SLC25A21: variants seen among roughly 807,000 people sequenced by gnomAD.
SLC25A21 encodes the protein mitochondrial 2-oxodicarboxylate carrier.
Under a neutral mutation model 43.8 loss-of-function variants are expected in SLC25A21, and 47 were observed. The observed-to-expected ratio is 1.07, with a 90% CI of 0.85 to 1.37. The LOEUF is 1.37. Ranked by LOEUF, SLC25A21 falls within the 40% of genes most tolerant of loss-of-function variation. The pLI, the probability that SLC25A21 is intolerant of heterozygous loss-of-function variation, is 0.00. For missense variants in SLC25A21, 352 were observed against 350.2 expected (o/e 1.00, Z -0.04); for synonymous variants, 131 against 121.3 (o/e 1.08, Z -0.52).
intron 1 of SLC25A21, among the ~76,000 whole-genome samples, chr14:37,018,167 T>C (rs1960904308): frequency 6.6e-6 from 1 of 152,164 alleles, no homozygotes; most frequent in Middle Eastern, 3.4e-3. Flanking sequence ...ATAATGCTTA[T>C]AGTATAATCT....
intron 3 of SLC25A21, among the ~76,000 whole-genome samples, chr14:36,776,356 C>T (rs1886832455): frequency 6.6e-6 from 1 of 150,592 alleles, no homozygotes. Flanking sequence ...CCTGCCTCAG[C>T]CTCCCGAGTA....
intron 1 of SLC25A21, among the ~76,000 whole-genome samples, chr14:36,965,281 A>G (rs1959586991): frequency 6.6e-6 from 1 of 152,162 alleles, no homozygotes; most frequent in African/African-American, 2.4e-5. Context: ...AAAATAATAA[A>G]TATGCAATTC....
At chr14:36,728,310 A>C (rs1245048610) in intron 5 of SLC25A21, among the ~76,000 whole-genome samples, 1 of 152,212 alleles carries the variant, frequency 6.6e-6, no homozygotes, top group South Asian at 2.1e-4. Flanking sequence ...CAAGAGTCCA[A>C]AGACCTACAG....
Position 36,680,728 on chromosome 14 carries a change from G to T in SLC25A21, c.839-9C>A. ...CAGCATCACTGCACCACCTAGAAAA[G>T]AAAAGAGCTGTTTTTTATTGCAAAT... On this transcript the variant is annotated splice_polypyrimidine_tract_variant and intron_variant, in intron 9 of 9. Coordinates refer to ENST00000331299, the MANE Select transcript of SLC25A21 (RefSeq NM_030631.4). The T allele has an allele frequency of 6.2e-7, 1 of 1,609,216 alleles. No individual in the cohort carries two copies. The highest frequency in any genetic ancestry group is 8.5e-7 in the Non-Finnish European group (1 of 1,178,504).
chr14:36,740,404 G>T (rs1885205799), intron 3 of SLC25A21, among the ~76,000 whole-genome samples: 3 of 152,108 alleles, frequency 2.0e-5, no homozygotes, highest in Admixed American at 2.0e-4. Flanking sequence ...AGATTGTGAT[G>T]GTTTATAGAC....
At chr14:36,874,641 T>G (rs1362744363) in intron 2 of SLC25A21, among the ~76,000 whole-genome samples, 1 of 152,242 alleles carries the variant, frequency 6.6e-6, no homozygotes, top group Non-Finnish European at 1.5e-5. Context: ...TGTGCTGTCA[T>G]AATCCACTGG....
intron 3 of SLC25A21, among the ~76,000 whole-genome samples, chr14:36,759,476 TC>T (rs1275556537): frequency 6.6e-6 from 1 of 152,192 alleles, no homozygotes; most frequent in Non-Finnish European, 1.5e-5. Context: ...TTACAAACTA[TC>T]CAGCAGACAA....
chr14:36,743,969 G>T lies in SLC25A21; in HGVS notation c.204-9396C>A, dbSNP rs1885384819. Reference sequence around the variant, plus strand: ...TAGGAATATACTTAACCAAGGAGGTGAAAAATTCTACAAGGAGTATTTGTA... The same window carrying T: ...TAGGAATATACTTAACCAAGGAGGTTAAAAATTCTACAAGGAGTATTTGTA... On this transcript the variant is annotated intron_variant, in intron 3 of 9. Transcript: ENST00000331299. Among the ~76,000 whole-genome samples, 3 of 152,066 alleles carry T rather than the reference G, an allele frequency of 2.0e-5. No individual in the cohort carries two copies. In the South Asian group the frequency reaches 6.2e-4, roughly 31 times the overall value.
chr14:37,129,572 C>A (rs1272865050), intron 1 of SLC25A21, among the ~76,000 whole-genome samples: 1 of 151,812 alleles, frequency 6.6e-6, no homozygotes, highest in African/African-American at 2.4e-5. Context: ...AAGGATTGAT[C>A]CTAGATAGAG....
chr14:36,859,810 C>T (rs373643521), intron 2 of SLC25A21, among the ~76,000 whole-genome samples: 93 of 152,230 alleles, frequency 6.1e-4, no homozygotes, highest in African/African-American at 2.2e-3. Flanking sequence ...CTGTGTGAAA[C>T]CTGGCTCATG....
At chr14:36,913,430 C>T (rs941320672) in intron 1 of SLC25A21, among the ~76,000 whole-genome samples, 5 of 152,140 alleles carry the variant, frequency 3.3e-5, no homozygotes, top group African/African-American at 1.2e-4. Flanking sequence ...CTCAGGCCAA[C>T]ACACCCAGCT....
At chr14:36,858,745 A>C (rs1167031005) in intron 2 of SLC25A21, among the ~76,000 whole-genome samples, 1 of 152,138 alleles carries the variant, frequency 6.6e-6, no homozygotes, top group Non-Finnish European at 1.5e-5. Context: ...AAACACTCTT[A>C]AGTGTTCTCT....
At position 36,814,019 on chromosome 14, in the gene SLC25A21, C is replaced by T; in HGVS notation, c.120-18G>A. On this transcript the variant is annotated intron_variant, in intron 2 of 9. Coordinates refer to ENST00000331299, the MANE Select transcript of SLC25A21 (RefSeq NM_030631.4). The stretch of plus-strand genomic sequence containing the variant: ...TCTGAAACCTAGAAGCAAAATCAAA[C>T]CAAAAATTCTAAGTTAAAGATTTTG... The T allele has an allele frequency of 3.2e-6, 5 of 1,575,816 alleles. No individual in the cohort carries two copies. Among genetic ancestry groups the T allele is most frequent in the Non-Finnish European group, 4.3e-6 (5 of 1,160,078 alleles).
At chr14:36,891,849 A>G (rs1891080892) in intron 1 of SLC25A21, among the ~76,000 whole-genome samples, 1 of 152,174 alleles carries the variant, frequency 6.6e-6, no homozygotes, top group Non-Finnish European at 1.5e-5. Flanking sequence ...GACAAAGAAT[A>G]GTCTAGGGGA....
At chr14:37,135,828 C>T (rs1487789889) in intron 1 of SLC25A21, among the ~76,000 whole-genome samples, 1 of 152,214 alleles carries the variant, frequency 6.6e-6, no homozygotes, top group Non-Finnish European at 1.5e-5. Flanking sequence ...TACGTGACCT[C>T]CTCAGTTTCC....
At chr14:36,685,713 C>G (rs1300759703) in intron 7 of SLC25A21, among the ~76,000 whole-genome samples, 1 of 152,092 alleles carries the variant, frequency 6.6e-6, no homozygotes, top group African/African-American at 2.4e-5. Context: ...TTTGATTTTC[C>G]ACCCCTCCCT....
At chr14:36,933,323 G>C (rs999079807) in intron 1 of SLC25A21, among the ~76,000 whole-genome samples, 2 of 152,096 alleles carry the variant, frequency 1.3e-5, no homozygotes, top group African/African-American at 4.8e-5. Flanking sequence ...GCAGTTTTCA[G>C]AGGGGAACTC....
intron 1 of SLC25A21, among the ~76,000 whole-genome samples, chr14:37,120,376 T>C (rs1256752785): frequency 6.6e-6 from 1 of 152,238 alleles, no homozygotes; most frequent in East Asian, 1.9e-4. Context: ...AAGTTACTAT[T>C]AATGTGTTGC....
At chr14:37,166,891 C>G (rs1404600027) in intron 1 of SLC25A21, among the ~76,000 whole-genome samples, 1 of 152,182 alleles carries the variant, frequency 6.6e-6, no homozygotes, top group Non-Finnish European at 1.5e-5. Context: ...CAGTTACCTT[C>G]TAATCCTGCT....
Sources: gnomAD v4.1 joint callset for allele counts (sites outside exome capture counted in the v4.1 genomes callset) on GRCh38, gnomAD v4.1.1 for gene constraint, MANE v1.5 for transcripts, NCBI Gene and HGNC (gene_info 2026-07-23, HGNC 2026-07-21) for gene names.